The following DCAF8L2 variants were observed in gnomAD, a reference collection of about 807,000 sequenced individuals.
DCAF8L2 encodes DDB1- and CUL4-associated factor 8-like protein 2.
For missense variants in DCAF8L2, 430 were observed against 490.7 expected, an observed-to-expected ratio of 0.88 and a Z score of 1.17; for synonymous variants, 200 against 190.9, an observed-to-expected ratio of 1.05 and a Z score of -0.39.
the DCAF8L2 span, among the ~76,000 whole-genome samples, chrX:27,541,020 A>T: frequency 8.9e-6 from 1 of 112,000 alleles, no homozygotes; most frequent in Non-Finnish European, 1.9e-5. Context: ...TTCATCCCAA[A>T]ATATTGTAGG....
At chrX:27,652,140 T>C (rs1317351343) in intron 2 of DCAF8L2, among the ~76,000 whole-genome samples, 1 of 110,865 alleles carries the variant, frequency 9.0e-6, no homozygotes, top group African/African-American at 3.3e-5. Context: ...TTCATTTACT[T>C]TTAACAAATA....
At chrX:27,709,763 C>T (rs1228183929) in intron 3 of DCAF8L2, among the ~76,000 whole-genome samples, 6 of 108,392 alleles carry the variant, frequency 5.5e-5, no homozygotes, top group Non-Finnish European at 1.2e-4. Context: ...CAGTCCTTGT[C>T]TGTGGACTGT....
chrX:27,495,759 C>T, the DCAF8L2 span, among the ~76,000 whole-genome samples: 1 of 111,550 alleles, frequency 9.0e-6, no homozygotes, highest in Non-Finnish European at 1.9e-5. Flanking sequence ...ACTTTTTTAG[C>T]ATTATTAGAA....
chrX:27,514,439 G>T, the DCAF8L2 span, among the ~76,000 whole-genome samples: 1 of 108,719 alleles, frequency 9.2e-6, no homozygotes, highest in East Asian at 2.9e-4. Context: ...GGAGGCCAAG[G>T]CAGGCGGATC....
At chrX:27,525,403 T>C in the DCAF8L2 span, among the ~76,000 whole-genome samples, 2 of 111,681 alleles carry the variant, frequency 1.8e-5, no homozygotes, top group African/African-American at 3.3e-5. Flanking sequence ...CTCCATCCCT[T>C]TATTTTGAAC....
chrX:27,719,447 ATTTTT>A (rs11292943), intron 4 of DCAF8L2, among the ~76,000 whole-genome samples: 1 of 49,106 alleles, frequency 2.0e-5, no homozygotes. Context: ...TACCCATTTA[ATTTTT>A]TTTTTTTTTT....
chrX:27,587,985 A>AAAAAAAAAAAATATATATAT, upstream of DCAF8L2, among the ~76,000 whole-genome samples: 1 of 22,360 alleles, frequency 4.5e-5, no homozygotes, highest in African/African-American at 9.8e-5. Flanking sequence ...TAAAAAAAAA[A>AAAAAAAAAAAATATATATAT]ATATATATAT....
rs377514502 is a variant in DCAF8L2, at chrX:27,612,165, GT to G, written c.-341-19710del. On this transcript the variant is annotated intron_variant, in intron 1 of 4. Transcript: ENST00000451261. ...TGGCGTGAGATGGTATCTCATTGTG[GT>G]TTTGATTTGCATTTCTCTCATGACC... Among the ~76,000 whole-genome samples, 305 of 111,625 alleles carry G rather than the reference GT, an allele frequency of 2.7e-3. 1 individual carries two copies. Among genetic ancestry groups the G allele is most frequent in the African/African-American group, 9.4e-3 (288 of 30,706 alleles).
chrX:27,550,916 T>C, the DCAF8L2 span, among the ~76,000 whole-genome samples: 3 of 111,501 alleles, frequency 2.7e-5, no homozygotes. Flanking sequence ...TTCGTGTCTC[T>C]GTGTCACATT....
the DCAF8L2 span, among the ~76,000 whole-genome samples, chrX:27,543,057 G>T: frequency 2.7e-5 from 3 of 111,902 alleles, no homozygotes; most frequent in East Asian, 5.7e-4. Context: ...TAAATTCTTT[G>T]CCAAGGCCAA....
At chrX:27,726,074 G>A (rs997536789) in intron 4 of DCAF8L2, among the ~76,000 whole-genome samples, 5 of 111,460 alleles carry the variant, frequency 4.5e-5, no homozygotes, top group Non-Finnish European at 7.6e-5. Context: ...ACACAAGCTT[G>A]ATAACTTATA....
chrX:27,577,712 C>T, the DCAF8L2 span, among the ~76,000 whole-genome samples: 3 of 111,179 alleles, frequency 2.7e-5, no homozygotes, highest in Admixed American at 1.9e-4. Flanking sequence ...TCTCAGGATA[C>T]AAAATCAGTG....
chrX:27,572,184 C>A, the DCAF8L2 span, among the ~76,000 whole-genome samples: 1 of 111,577 alleles, frequency 9.0e-6, no homozygotes, highest in Non-Finnish European at 1.9e-5. Context: ...CTTGAGTACT[C>A]TGGTTAATTG....
At chrX:27,581,164 C>G in the DCAF8L2 span, among the ~76,000 whole-genome samples, 2 of 111,938 alleles carry the variant, frequency 1.8e-5, no homozygotes, top group East Asian at 2.8e-4. Flanking sequence ...TTGGGCAACT[C>G]AGTTCTATAC....
chrX:27,499,148 A>G, the DCAF8L2 span, among the ~76,000 whole-genome samples: 2 of 112,244 alleles, frequency 1.8e-5, no homozygotes, highest in African/African-American at 6.5e-5. Context: ...GAATGTTTAT[A>G]CTGTTCTCCA....
At chrX:27,649,744 G>A (rs925597537) in intron 2 of DCAF8L2, among the ~76,000 whole-genome samples, 15 of 111,848 alleles carry the variant, frequency 1.3e-4, no homozygotes, top group Admixed American at 7.6e-4. Context: ...CTCTCATTGC[G>A]TAGGTTTTCT....
chrX:27,626,208 A>G (rs1354764181), intron 1 of DCAF8L2, among the ~76,000 whole-genome samples: 3 of 111,240 alleles, frequency 2.7e-5, no homozygotes, highest in African/African-American at 6.5e-5. Context: ...GACGGGAGCT[A>G]GAATCATAGA....
intron 3 of DCAF8L2, among the ~76,000 whole-genome samples, chrX:27,704,070 T>TAC (rs1233601263): frequency 9.6e-6 from 1 of 104,497 alleles, no homozygotes; most frequent in African/African-American, 3.6e-5. Context: ...TGTATATATA[T>TAC]ATATGTATAA....
chrX:27,607,078 G>A (rs183872065), intron 1 of DCAF8L2, among the ~76,000 whole-genome samples: 174 of 111,672 alleles, frequency 1.6e-3, no homozygotes, highest in Non-Finnish European at 2.0e-3. Context: ...TTAAATCTAG[G>A]AAGGAGGCTA....
Sources: gnomAD v4.1 joint callset for allele counts (sites outside exome capture counted in the v4.1 genomes callset) on GRCh38, gnomAD v4.1.1 for gene constraint, MANE v1.5 for transcripts, NCBI Gene and HGNC (gene_info 2026-07-23, HGNC 2026-07-21) for gene names.